Variants in GRIK2 observed in about 807,000 individuals in gnomAD.
GRIK2 encodes the protein glutamate ionotropic receptor kainate type subunit 2.
GRIK2 carries 32 observed loss-of-function variants against 100.3 expected under a neutral mutation model. That is an observed-to-expected ratio of 0.32 (90% CI 0.24 to 0.43). GRIK2 has a LOEUF of 0.43. GRIK2 is among the 20% of genes least tolerant of loss of function. GRIK2 has a pLI of 1.00. For synonymous variants in GRIK2, 417 were observed against 389.4 expected (o/e 1.07, Z -0.83); for missense variants, 843 against 1,114.9 (o/e 0.76, Z 3.47).
At chr6:101,639,409 A>G (rs575631627) in intron 4 of GRIK2, among the ~76,000 whole-genome samples, 4 of 152,272 alleles carry the variant, frequency 2.6e-5, no homozygotes, top group Admixed American at 2.6e-4. Flanking sequence ...AATTTAATCC[A>G]GATAGGATCT....
chr6:101,419,635 G>T (rs186499769), intron 2 of GRIK2, among the ~76,000 whole-genome samples: 105 of 152,308 alleles, frequency 6.9e-4, no homozygotes, highest in Admixed American at 2.6e-3. Context: ...CCTATCATAA[G>T]CCTAGAAACT....
chr6:101,561,871 C>T (rs911581621), intron 2 of GRIK2, among the ~76,000 whole-genome samples: 2 of 151,960 alleles, frequency 1.3e-5, no homozygotes, highest in African/African-American at 2.4e-5. Flanking sequence ...CCTGGGGCAC[C>T]GAGTGAAGGT....
intron 7 of GRIK2, among the ~76,000 whole-genome samples, chr6:101,690,706 G>T (rs1772031390): frequency 1.3e-5 from 2 of 151,898 alleles, no homozygotes; most frequent in African/African-American, 4.8e-5. Context: ...CTTGCTCCCT[G>T]TTCCACCAAG....
chr6:101,957,882 T>C (rs188323974), intron 14 of GRIK2, among the ~76,000 whole-genome samples: 17 of 152,206 alleles, frequency 1.1e-4, no homozygotes, highest in Admixed American at 9.8e-4. Context: ...ATTCCAGTGA[T>C]CTATGTGTCT....
intron 2 of GRIK2, among the ~76,000 whole-genome samples, chr6:101,435,822 A>G (rs573848567): frequency 1.4e-4 from 22 of 152,062 alleles, no homozygotes; most frequent in Middle Eastern, 3.4e-3. Flanking sequence ...CTTACTTCTC[A>G]AGTTTAATCA....
intron 2 of GRIK2, among the ~76,000 whole-genome samples, chr6:101,548,549 T>C (rs1582691587): frequency 6.6e-6 from 1 of 152,216 alleles, no homozygotes; most frequent in Admixed American, 6.5e-5. Flanking sequence ...GGCTAGCCAG[T>C]TTTCCCAGCA....
At chr6:101,924,381 T>C (rs1789752531) in intron 12 of GRIK2, among the ~76,000 whole-genome samples, 1 of 152,190 alleles carries the variant, frequency 6.6e-6, no homozygotes, top group Admixed American at 6.5e-5. Flanking sequence ...TAATGTATAG[T>C]AAGAAAATGC....
At chr6:101,737,837 A>G (rs1775750743) in intron 7 of GRIK2, among the ~76,000 whole-genome samples, 1 of 152,176 alleles carries the variant, frequency 6.6e-6, no homozygotes, top group African/African-American at 2.4e-5. Context: ...GATGTGAAAG[A>G]GAATGGTGCA....
intron 2 of GRIK2, among the ~76,000 whole-genome samples, chr6:101,566,377 A>G (rs2128297470): frequency 6.6e-6 from 1 of 152,226 alleles, no homozygotes; most frequent in African/African-American, 2.4e-5. Flanking sequence ...CTATGTGGAA[A>G]GATATCACTA....
At chr6:101,683,162 C>T (rs1771413264) in intron 6 of GRIK2, among the ~76,000 whole-genome samples, 1 of 151,514 alleles carries the variant, frequency 6.6e-6, no homozygotes, top group Non-Finnish European at 1.5e-5. Flanking sequence ...AACAGTGCCA[C>T]TGCACTCCAG....
At chr6:101,739,274 T>A (rs1004824355) in intron 7 of GRIK2, among the ~76,000 whole-genome samples, 3 of 152,228 alleles carry the variant, frequency 2.0e-5, no homozygotes, top group African/African-American at 7.2e-5. Context: ...ATAAATCACA[T>A]AGGCCCTCAG....
Position 101,872,776 on chromosome 6 carries a change from T to A in GRIK2, c.1524+13283T>A, listed in dbSNP as rs534155944. On this transcript the variant is annotated intron_variant, in intron 11 of 16. Coordinates refer to ENST00000369134, the MANE Select transcript of GRIK2 (RefSeq NM_021956.5). ...TAATTCCTCACATAAATTATGTTTG[T>A]TTTCTACACAAATATTAAATAGATT... is the stretch of plus-strand genomic sequence containing the variant. 5.3e-5 allele frequency among the ~76,000 whole-genome samples: 8 copies of A among 152,088 alleles called. No individual in the cohort carries two copies. In the South Asian group the frequency reaches 1.7e-3, roughly 32 times the overall value.
At chr6:101,625,734 A>C (rs1366852925) in intron 3 of GRIK2, among the ~76,000 whole-genome samples, 1 of 152,172 alleles carries the variant, frequency 6.6e-6, no homozygotes, top group African/African-American at 2.4e-5. Flanking sequence ...ACTTTAAAAA[A>C]TAGAATAATA....
At chr6:101,646,417 A>G (rs1781529873) in intron 4 of GRIK2, among the ~76,000 whole-genome samples, 1 of 151,934 alleles carries the variant, frequency 6.6e-6, no homozygotes, top group Non-Finnish European at 1.5e-5. Flanking sequence ...CAGATAAGGT[A>G]AAAAGTAAGC....
At position 102,068,428 on chromosome 6, in the gene GRIK2, C is replaced by A; in HGVS notation, c.2644C>A (p.Pro882Thr). 1 of 1,612,006 alleles carries A rather than the reference C, an allele frequency of 6.2e-7. No individual in the cohort carries two copies. Among genetic ancestry groups the A allele is most frequent in the South Asian group, 1.1e-5 (1 of 91,030 alleles). The change falls in exon 17 of 17, where the codon CCA (proline) becomes ACA (threonine). Residue 882 changes from proline (P) to threonine (T), a missense_variant. Pro to Thr is a conservative substitution (Grantham distance 38). Around this residue, in one of 3 missense-constraint regions of GRIK2, gnomAD observed 87 missense variants for 83.2 expected, o/e 1.05. Transcript: ENST00000369134. Reference protein sequence around the residue: ...QRRLKHKPQAPVIVKTEEVIN... With the variant: ...QRRLKHKPQATVIVKTEEVIN... ...TCGGTTAAAACATAAGCCACAGGCC[C>A]CAGTTATTGTGAAAACAGAAGAAGT...
chr6:102,049,638 C>G (rs73500564), intron 15 of GRIK2, among the ~76,000 whole-genome samples: 5,134 of 152,032 alleles, frequency 0.034, 285 homozygotes, highest in African/African-American at 0.12. Context: ...TACAAGTAAT[C>G]CTTTACAAAT....
At chr6:101,752,623 C>T (rs980704127) in intron 7 of GRIK2, among the ~76,000 whole-genome samples, 1 of 152,188 alleles carries the variant, frequency 6.6e-6, no homozygotes, top group South Asian at 2.1e-4. Context: ...TATCTCCTTT[C>T]CCTGACAGTG....
rs554484254 is a variant in GRIK2 at position 101,883,522 on chromosome 6, C to A, written c.1525-6118C>A. 7.9e-5 allele frequency among the ~76,000 whole-genome samples: 12 copies of A among 152,014 alleles called. No individual in the cohort carries two copies. In the South Asian group the frequency reaches 2.3e-3, roughly 29 times the overall value. Reference sequence around the variant, plus strand: ...GAAAAAGACTGACAAGTGACAATGTCTGTTTATGGCACATTTCATGAAGAA... The same window carrying A: ...GAAAAAGACTGACAAGTGACAATGTATGTTTATGGCACATTTCATGAAGAA... On this transcript the variant is annotated intron_variant, in intron 11 of 16. Transcript: ENST00000369134.
chr6:101,682,305 A>C (rs1771331750), intron 5 of GRIK2, among the ~76,000 whole-genome samples: 1 of 152,222 alleles, frequency 6.6e-6, no homozygotes, highest in African/African-American at 2.4e-5. Flanking sequence ...TAATGTGTTA[A>C]GCCATAGCTT....
Sources: allele counts gnomAD v4.1 joint callset (sites outside exome capture counted in the v4.1 genomes callset), GRCh38; gene constraint gnomAD v4.1.1; regional missense constraint gnomAD v4.1.1; transcripts MANE v1.5; gene names NCBI Gene and HGNC (gene_info 2026-07-23, HGNC 2026-07-21).